The following CDK14 variants were observed in gnomAD, a reference collection of about 807,000 sequenced individuals.
CDK14 encodes the protein cyclin dependent kinase 14, also known as cyclin-dependent kinase 14.
CDK14 carries 34 observed loss-of-function variants against 60.7 expected under a neutral mutation model. The ratio of observed to expected loss-of-function variants is 0.56; its 90% CI spans 0.43 to 0.75. The LOEUF (loss-of-function observed/expected upper bound fraction) is 0.75. Among genes scored for constraint, CDK14 ranks in the 30% least tolerant of loss-of-function variants. The pLI is 0.00. For synonymous variants in CDK14, 197 were observed against 203.7 expected, an observed-to-expected ratio of 0.97 and a Z score of 0.28; for missense variants, 482 against 564.1, an observed-to-expected ratio of 0.85 and a Z score of 1.47.
At chr7:90,741,439 C>G (rs973860611) in intron 3 of CDK14, among the ~76,000 whole-genome samples, 2 of 152,112 alleles carry the variant, frequency 1.3e-5, no homozygotes, top group Admixed American at 6.5e-5. Flanking sequence ...AAATTAAGTT[C>G]TTTTTCATTA....
At chr7:90,785,351 CT>C (rs1204103016) in intron 4 of CDK14, among the ~76,000 whole-genome samples, 4 of 152,050 alleles carry the variant, frequency 2.6e-5, no homozygotes, top group Non-Finnish European at 5.9e-5. Context: ...AATAGAAGAC[CT>C]TTAGGCTTTC....
At chr7:90,710,048 A>G (rs1178553749) in intron 2 of CDK14, 3 of 898,514 alleles carry the variant, frequency 3.3e-6, no homozygotes. Flanking sequence ...TTACAACTTA[A>G]AAAGGATTCA....
intron 12 of CDK14, among the ~76,000 whole-genome samples, chr7:91,111,694 C>T (rs1554430566): frequency 6.6e-6 from 1 of 152,040 alleles, no homozygotes; most frequent in Non-Finnish European, 1.5e-5. Context: ...GTTAAAAGTG[C>T]CTAGGAAAGT....
chr7:90,858,763 G>A (rs767725877), intron 5 of CDK14, among the ~76,000 whole-genome samples: 2 of 152,154 alleles, frequency 1.3e-5, no homozygotes, highest in Non-Finnish European at 2.9e-5. Context: ...GCAGAAGCAA[G>A]TATCACTTTT....
intron 4 of CDK14, among the ~76,000 whole-genome samples, chr7:90,782,208 GCTCT>G (rs1466786811): frequency 2.0e-5 from 3 of 152,072 alleles, no homozygotes; most frequent in South Asian, 2.1e-4. Flanking sequence ...TCATGATTTG[GCTCT>G]CTGTTTGTCT....
chr7:90,877,858 T>C (rs1220464374), intron 6 of CDK14, among the ~76,000 whole-genome samples: 1 of 152,134 alleles, frequency 6.6e-6, no homozygotes, highest in Admixed American at 6.5e-5. Context: ...TACATTGAAC[T>C]GAGTGGTATC....
intron 12 of CDK14, among the ~76,000 whole-genome samples, chr7:91,092,543 T>C (rs1038653235): frequency 1.3e-5 from 2 of 152,224 alleles, no homozygotes; most frequent in African/African-American, 4.8e-5. Flanking sequence ...ATTGGTAGCC[T>C]TTCCGTTGAT....
chr7:90,601,036 G>T (rs551920611), intron 1 of CDK14, among the ~76,000 whole-genome samples: 29 of 152,326 alleles, frequency 1.9e-4, no homozygotes, highest in African/African-American at 7.0e-4. Flanking sequence ...GAAGATTAGC[G>T]AAATTTGCTG....
intron 7 of CDK14, among the ~76,000 whole-genome samples, chr7:90,913,340 T>C (rs1302934896): frequency 6.6e-6 from 1 of 152,208 alleles, no homozygotes; most frequent in Non-Finnish European, 1.5e-5. Flanking sequence ...TATCTGCCAG[T>C]GTATATTTTG....
chr7:90,914,931 A>G (rs1192376080), intron 7 of CDK14, among the ~76,000 whole-genome samples: 2 of 152,156 alleles, frequency 1.3e-5, no homozygotes, highest in African/African-American at 4.8e-5. Flanking sequence ...GTATATAAAG[A>G]TAGTTAAAGC....
At position 91,014,096 on chromosome 7, in the gene CDK14, C is replaced by T. The variant is rs374690464; in HGVS notation, c.1041+29855C>T. On this transcript the variant is annotated intron_variant, in intron 10 of 14. Transcript: ENST00000380050. ...GACATCTCTTGTCTGTCTACTTGTCCCATTACCAGAATTCACATTCAGTTT... is the reference window on the plus strand; with the variant it reads ...GACATCTCTTGTCTGTCTACTTGTCTCATTACCAGAATTCACATTCAGTTT... Among the ~76,000 whole-genome samples the T allele has an allele frequency of 2.0e-4, 31 of 151,838 alleles. No homozygotes were observed. In the East Asian group the frequency reaches 4.3e-3, roughly 21 times the overall value.
At chr7:91,092,196 A>G (rs1298991273) in intron 12 of CDK14, among the ~76,000 whole-genome samples, 1 of 152,208 alleles carries the variant, frequency 6.6e-6, no homozygotes, top group Admixed American at 6.5e-5. Flanking sequence ...AGCCAGATGT[A>G]GAGTTAAAGT....
chr7:90,649,272 C>CTT (rs1563029682), intron 2 of CDK14, among the ~76,000 whole-genome samples: 2 of 47,530 alleles, frequency 4.2e-5, no homozygotes, highest in African/African-American at 9.3e-5. Context: ...TTCTTTCTTT[C>CTT]TTTCTTTCTT....
At chr7:90,773,020 AGT>A (rs2116898606) in intron 4 of CDK14, among the ~76,000 whole-genome samples, 1 of 152,302 alleles carries the variant, frequency 6.6e-6, no homozygotes, top group East Asian at 1.9e-4. Context: ...TGTATCAATC[AGT>A]GTTATAATTA....
intron 2 of CDK14, among the ~76,000 whole-genome samples, chr7:90,707,189 A>C (rs1485056280): frequency 6.6e-6 from 1 of 152,176 alleles, no homozygotes; most frequent in Non-Finnish European, 1.5e-5. Context: ...AATTGAGTTT[A>C]TAATAGTTTC....
At chr7:91,051,599 C>G (rs1228190417) in intron 11 of CDK14, among the ~76,000 whole-genome samples, 2 of 152,124 alleles carry the variant, frequency 1.3e-5, no homozygotes, top group South Asian at 4.1e-4. Flanking sequence ...CTGTGGTGTT[C>G]TCAGTATTTC....
intron 11 of CDK14, among the ~76,000 whole-genome samples, chr7:91,062,278 AT>A (rs1451139409): frequency 1.3e-5 from 2 of 152,020 alleles, no homozygotes; most frequent in Non-Finnish European, 2.9e-5. Flanking sequence ...GAATGACCTG[AT>A]TTTCCAGGTG....
intron 9 of CDK14, among the ~76,000 whole-genome samples, chr7:90,957,834 C>A (rs1231282473): frequency 6.6e-6 from 1 of 151,844 alleles, no homozygotes; most frequent in Admixed American, 6.6e-5. Context: ...ACTTTCTTCA[C>A]AGAATTGGAA....
intron 10 of CDK14, among the ~76,000 whole-genome samples, chr7:90,999,098 T>C (rs1795770546): frequency 6.6e-6 from 1 of 151,978 alleles, no homozygotes; most frequent in Admixed American, 6.6e-5. Context: ...GGGGAGTTTA[T>C]CTAGTTCTAA....
Sources: gnomAD v4.1 joint callset for allele counts (sites outside exome capture counted in the v4.1 genomes callset) on GRCh38, gnomAD v4.1.1 for gene constraint, MANE v1.5 for transcripts, NCBI Gene and HGNC (gene_info 2026-07-23, HGNC 2026-07-21) for gene names.